Variants in PSD3 observed in about 807,000 individuals in gnomAD.
PSD3 encodes the protein pleckstrin and Sec7 domain containing 3, also known as PH and SEC7 domain-containing protein 3.
Under a neutral mutation model 105.5 loss-of-function variants are expected in PSD3, and 49 were observed. The observed-to-expected ratio is 0.46, with a 90% CI of 0.37 to 0.59. The LOEUF (loss-of-function observed/expected upper bound fraction) is 0.59, where lower values mean the gene tolerates loss of function less well. Among genes scored for constraint, PSD3 ranks in the 20% least tolerant of loss-of-function variants. The pLI is 0.00. For synonymous variants in PSD3, 557 were observed against 457.8 expected (o/e 1.22, Z -2.77); for missense variants, 1,561 against 1,263.8 (o/e 1.24, Z -3.57).
At chr8:18,918,364 G>A (rs1205203643) in intron 2 of PSD3, among the ~76,000 whole-genome samples, 1 of 152,114 alleles carries the variant, frequency 6.6e-6, no homozygotes, top group Non-Finnish European at 1.5e-5. Flanking sequence ...TCCTGACTGA[G>A]GTACAAATTC....
intron 1 of PSD3, among the ~76,000 whole-genome samples, chr8:19,069,655 G>A (rs1586690508): frequency 6.6e-6 from 1 of 152,262 alleles, no homozygotes; most frequent in South Asian, 2.1e-4. Context: ...AGTAGCTAAG[G>A]GCTTCGAATC....
intron 9 of PSD3, among the ~76,000 whole-genome samples, chr8:18,758,936 A>G (rs1806281288): frequency 6.6e-6 from 1 of 152,154 alleles, no homozygotes; most frequent in Non-Finnish European, 1.5e-5. Flanking sequence ...TATTTGAATG[A>G]CAACTTTCAT....
chr8:18,620,298 C>G (rs1194128156), intron 11 of PSD3, among the ~76,000 whole-genome samples: 1 of 151,294 alleles, frequency 6.6e-6, no homozygotes, highest in Non-Finnish European at 1.5e-5. Flanking sequence ...CAAACTGTAA[C>G]CTGACTGTCT....
chr8:18,891,185 T>C (rs2129459615), intron 2 of PSD3, among the ~76,000 whole-genome samples: 1 of 152,280 alleles, frequency 6.6e-6, no homozygotes, highest in African/African-American at 2.4e-5. Flanking sequence ...TCTAAGTAAC[T>C]GTTAGGTACT....
intron 1 of PSD3, among the ~76,000 whole-genome samples, chr8:18,981,346 T>C (rs1366060765): frequency 6.6e-6 from 1 of 152,134 alleles, no homozygotes; most frequent in Non-Finnish European, 1.5e-5. Flanking sequence ...GAAAGACTAC[T>C]ATGGTGATTT....
At chr8:18,991,345 CACACACATACACACACACACACACACAT>C (rs1446231414) in intron 1 of PSD3, among the ~76,000 whole-genome samples, 145 of 74,752 alleles carry the variant, frequency 1.9e-3, no homozygotes, top group South Asian at 2.9e-3. Flanking sequence ...AAAACACACA[CACACACATACACACACACACACACACAT>C]ACACACACAC....
chr8:18,927,060 T>C (rs758327518), intron 2 of PSD3, among the ~76,000 whole-genome samples: 1 of 152,164 alleles, frequency 6.6e-6, no homozygotes, highest in African/African-American at 2.4e-5. Context: ...ACTGGCTTAT[T>C]ATAAAGGGTA....
intron 9 of PSD3, 59 bp downstream of exon 9, chr8:18,765,390 G>C: frequency 7.0e-7 from 1 of 1,429,352 alleles, no homozygotes; most frequent in South Asian, 1.1e-5. Flanking sequence ...TTAGGATTAA[G>C]CTGTAAGCAG....
At chr8:18,904,489 T>G (rs546050336) in intron 2 of PSD3, among the ~76,000 whole-genome samples, 3 of 152,328 alleles carry the variant, frequency 2.0e-5, no homozygotes, top group African/African-American at 7.2e-5. Flanking sequence ...TGTTGGAACT[T>G]CAAGGTTTAA....
At chr8:18,593,597 C>T (rs192798623) in intron 12 of PSD3, among the ~76,000 whole-genome samples, 1 of 151,956 alleles carries the variant, frequency 6.6e-6, no homozygotes, top group African/African-American at 2.4e-5. Flanking sequence ...CTAGAAATAC[C>T]ATTTGACCCA....
intron 9 of PSD3, among the ~76,000 whole-genome samples, chr8:18,747,645 G>C (rs1805137891): frequency 6.6e-6 from 1 of 152,146 alleles, no homozygotes; most frequent in African/African-American, 2.4e-5. Flanking sequence ...CAGAGATTAT[G>C]GCTGGATAGT....
intron 14 of PSD3, among the ~76,000 whole-genome samples, chr8:18,566,944 G>A (rs945535386): frequency 3.9e-5 from 6 of 152,122 alleles, no homozygotes; most frequent in African/African-American, 7.2e-5. Context: ...GGGAAAACAC[G>A]CAAACAGATG....
At chr8:18,731,296 A>C (rs1803732448) in intron 9 of PSD3, among the ~76,000 whole-genome samples, 1 of 152,146 alleles carries the variant, frequency 6.6e-6, no homozygotes. Flanking sequence ...CACATAGCAA[A>C]ACATTTATTC....
rs368451740 is a variant in PSD3 at position 18,535,822 on chromosome 8, G to C, written c.3065C>G (p.Thr1022Ser). 95 of 1,614,070 alleles carry C rather than the reference G, an allele frequency of 5.9e-5. No homozygotes were observed. The East Asian group carries it at 6.9e-4, about 12-fold the overall frequency. Residue 1022 changes from threonine to serine, a missense_variant, in exon 16 of 16, where the codon ACT becomes AGT. Thr to Ser is a moderately conservative substitution (Grantham distance 58). Transcript: ENST00000327040. ...TGACACGTTACGCTTGACTTTGGCA[G>C]TGATTGGAGAAGTATCCGGGTTCAG... ...PSLNPDTSPI[T>S]AKVKRNVSER...
intron 1 of PSD3, among the ~76,000 whole-genome samples, chr8:19,041,645 C>T (rs1469852829): frequency 1.3e-5 from 2 of 152,234 alleles, no homozygotes; most frequent in Non-Finnish European, 2.9e-5. Flanking sequence ...GCTAAAATAA[C>T]TGTAAGTCAA....
At chr8:18,910,048 C>T (rs1033778689) in intron 2 of PSD3, among the ~76,000 whole-genome samples, 3 of 152,108 alleles carry the variant, frequency 2.0e-5, no homozygotes, top group East Asian at 3.9e-4. Flanking sequence ...ACGAAGAGTT[C>T]GCTCCCCTCC....
rs1010378732 is a variant in PSD3, at chr8:18,977,155, G to A, written c.21+36408C>T. On this transcript the variant is annotated intron_variant, in intron 1 of 15. Coordinates refer to ENST00000327040, the MANE Select transcript of PSD3 (RefSeq NM_015310.4). ...CATGCCTGTAATCCCAGCTACTTGGGAGGCTGAGGCAGGAGAATCGCTTGA... is the reference window on the plus strand; with the variant it reads ...CATGCCTGTAATCCCAGCTACTTGGAAGGCTGAGGCAGGAGAATCGCTTGA... Among the ~76,000 whole-genome samples, 5 of 151,464 alleles carry A rather than the reference G, an allele frequency of 3.3e-5. No homozygotes were observed. The South Asian group carries it at 1.0e-3, about 32-fold the overall frequency.
intron 7 of PSD3, 52 bp downstream of exon 7, chr8:18,801,218 G>C (rs1452504731): frequency 2.6e-6 from 3 of 1,151,510 alleles, no homozygotes; most frequent in Non-Finnish European, 3.8e-6. Context: ...TTCATAATAA[G>C]GAAAATAACC....
chr8:18,829,484 A>G (rs1813505177), intron 4 of PSD3, among the ~76,000 whole-genome samples: 1 of 152,142 alleles, frequency 6.6e-6, no homozygotes, highest in Admixed American at 6.5e-5. Context: ...CCGTCCATCA[A>G]CGCCCTAGCA....
Sources: gnomAD v4.1 joint callset for allele counts (sites outside exome capture counted in the v4.1 genomes callset) on GRCh38, gnomAD v4.1.1 for gene constraint, MANE v1.5 for transcripts, NCBI Gene and HGNC (gene_info 2026-07-23, HGNC 2026-07-21) for gene names.